RNF169: variants seen among roughly 807,000 people sequenced by gnomAD.
RNF169 encodes the protein E3 ubiquitin-protein ligase RNF169.
Under a neutral mutation model 53.9 loss-of-function variants are expected in RNF169, and 24 were observed. The observed-to-expected ratio is 0.45, with a 90% confidence interval of 0.32 to 0.63. The LOEUF is 0.63. RNF169 is among the 20% of genes least tolerant of loss of function. The pLI, the probability that RNF169 is intolerant of heterozygous loss-of-function variation, is 0.04. For synonymous variants in RNF169, 396 were observed against 363.5 expected (o/e 1.09, Z -1.02); for missense variants, 883 against 906.2 (o/e 0.97, Z 0.33).
At chr11:74,758,714 G>A (rs1274479873) in intron 1 of RNF169, among the ~76,000 whole-genome samples, 5 of 152,018 alleles carry the variant, frequency 3.3e-5, no homozygotes, top group African/African-American at 7.2e-5. Context: ...CTGTTTTAGC[G>A]GGGATGGTCT....
chr11:74,753,607 T>G (rs1027796009), intron 1 of RNF169, among the ~76,000 whole-genome samples: 1 of 152,220 alleles, frequency 6.6e-6, no homozygotes, highest in African/African-American at 2.4e-5. Context: ...TTCAGAGATA[T>G]ATTGCTTAGT....
chr11:74,786,496 CAA>C (rs1288853305), intron 1 of RNF169, among the ~76,000 whole-genome samples: 1 of 152,072 alleles, frequency 6.6e-6, no homozygotes, highest in Non-Finnish European at 1.5e-5. Flanking sequence ...CATTTGACCT[CAA>C]GAGATCCTCT....
chr11:74,835,921 G>A lies in RNF169; in HGVS notation c.1318G>A (p.Glu440Lys). Residue 440 changes from glutamate (E) to lysine (K), a missense_variant, in exon 6 of 6, where the codon GAG becomes AAG. This residue lies in a region of RNF169 where 351 missense variants were observed against 337.3 expected (regional missense o/e 1.04). Transcript: ENST00000299563. ...CAAAAAGTGGGAACAGATCTTTCAG[G>A]AGCGGCAGATCAAAAAGACCCTTTC... is the stretch of plus-strand genomic sequence containing the variant. ...ILKKWEQIFQERQIKKTLSKA... is the reference protein window; with the variant it reads ...ILKKWEQIFQKRQIKKTLSKA... The A allele has an allele frequency of 1.2e-6, 2 of 1,614,138 alleles. No homozygotes were observed. Among genetic ancestry groups the A allele is most frequent in the Non-Finnish European group, 1.7e-6 (2 of 1,180,038 alleles).
At chr11:74,755,920 T>C (rs914483724) in intron 1 of RNF169, among the ~76,000 whole-genome samples, 8 of 152,176 alleles carry the variant, frequency 5.3e-5, no homozygotes, top group Non-Finnish European at 8.8e-5. Context: ...CCTATAAAGC[T>C]CTTAAAGATT....
chr11:74,793,767 C>A (rs1274375285), intron 2 of RNF169, among the ~76,000 whole-genome samples: 4 of 151,974 alleles, frequency 2.6e-5, no homozygotes, highest in Non-Finnish European at 4.4e-5. Flanking sequence ...TTTTTTCTTT[C>A]TGCATGTGTT....
intron 4 of RNF169, among the ~76,000 whole-genome samples, chr11:74,828,013 T>C (rs1193102165): frequency 2.6e-5 from 4 of 152,094 alleles, no homozygotes; most frequent in Non-Finnish European, 5.9e-5. Context: ...AAATAAAGGG[T>C]ATTCAAATAG....
intron 2 of RNF169, among the ~76,000 whole-genome samples, chr11:74,803,331 T>C (rs1181751689): frequency 6.6e-6 from 1 of 152,164 alleles, no homozygotes; most frequent in African/African-American, 2.4e-5. Flanking sequence ...GTGATCTGCC[T>C]GCCTCGGCCT....
chr11:74,778,565 C>T (rs1196652011), intron 1 of RNF169, among the ~76,000 whole-genome samples: 4 of 152,190 alleles, frequency 2.6e-5, no homozygotes, highest in South Asian at 2.1e-4. Flanking sequence ...AGCCAGTAAA[C>T]GAGACATGGA....
intron 3 of RNF169, among the ~76,000 whole-genome samples, chr11:74,816,343 G>A (rs1315637025): frequency 6.6e-6 from 1 of 152,164 alleles, no homozygotes; most frequent in African/African-American, 2.4e-5. Context: ...AGGGCTCATT[G>A]CATAAAGCAG....
At chr11:74,777,692 G>C (rs939930676) in intron 1 of RNF169, among the ~76,000 whole-genome samples, 1 of 151,818 alleles carries the variant, frequency 6.6e-6, no homozygotes, top group Non-Finnish European at 1.5e-5. Flanking sequence ...CTTTTGCCCA[G>C]GTTGGAGTGC....
intron 2 of RNF169, among the ~76,000 whole-genome samples, chr11:74,803,571 T>C (rs1455142391): frequency 6.6e-6 from 1 of 152,206 alleles, no homozygotes; most frequent in East Asian, 1.9e-4. Flanking sequence ...GAGTAGTTAC[T>C]TAGTGTTTAA....
intron 3 of RNF169, among the ~76,000 whole-genome samples, chr11:74,817,371 T>G (rs2035952623): frequency 6.6e-6 from 1 of 152,186 alleles, no homozygotes; most frequent in Non-Finnish European, 1.5e-5. Context: ...TTTAGTTTTC[T>G]AGATGGGTTG....
chr11:74,809,862 G>A (rs982207337), intron 2 of RNF169, among the ~76,000 whole-genome samples: 10 of 152,206 alleles, frequency 6.6e-5, no homozygotes, highest in African/African-American at 2.2e-4. Context: ...TGGCTTATGG[G>A]AATAAGGAAG....
At chr11:74,757,012 T>TTTTATTTTTATC (rs1351582401) in intron 1 of RNF169, among the ~76,000 whole-genome samples, 3 of 151,554 alleles carry the variant, frequency 2.0e-5, no homozygotes, top group African/African-American at 7.3e-5. Context: ...TTATTTTTAT[T>TTTTATTTTTATC]ATACTTTAAG....
In RNF169 at chr11:74,756,024, G is replaced by A. The variant is rs541162041; in HGVS notation, c.502+6642G>A. ...AGATGTGAGTAGAAACTGGAGGTGG[G>A]GAGTCGTTAGGGGACTGTTTTAGTA... On this transcript the variant is annotated intron_variant, in intron 1 of 5. Coordinates refer to ENST00000299563, the MANE Select transcript of RNF169 (RefSeq NM_001098638.2). 2.6e-5 allele frequency among the ~76,000 whole-genome samples: 4 copies of A among 152,254 alleles called. No individual in the cohort carries two copies. The South Asian group carries it at 8.3e-4, about 32-fold the overall frequency.
Position 74,836,613 on chromosome 11 carries a change from A to T in RNF169, c.2010A>T (p.Arg670=), listed in dbSNP as rs778711463. 1.7e-5 allele frequency: 27 copies of T among 1,614,034 alleles called. No homozygotes were observed. The highest frequency in any genetic ancestry group is 2.3e-5 in the Non-Finnish European group (27 of 1,180,058). Residue 670 remains arginine (R), a synonymous_variant, in exon 6 of 6, where the codon CGA becomes CGT. Transcript: ENST00000299563. ...AGCTTCAGCAAGAGGAAGAAGACCG[A>T]CAGTTGGCTCTGCAGTTGCAGCGCA... ...EQKLQQEEED[R]QLALQLQRMF...
chr11:74,765,081 C>A (rs573348372), intron 1 of RNF169, among the ~76,000 whole-genome samples: 1 of 152,176 alleles, frequency 6.6e-6, no homozygotes, highest in Admixed American at 6.5e-5. Context: ...TGGTGGTGTG[C>A]GCCTGTGGTC....
chr11:74,814,266 G>A, intron 3 of RNF169, among the ~76,000 whole-genome samples: 1 of 151,888 alleles, frequency 6.6e-6, no homozygotes, highest in South Asian at 2.1e-4. Flanking sequence ...GGAGGTGGAG[G>A]TTGCAGTGAG....
intron 2 of RNF169, among the ~76,000 whole-genome samples, chr11:74,800,160 T>A (rs2035709291): frequency 6.6e-6 from 1 of 151,976 alleles, no homozygotes; most frequent in South Asian, 2.1e-4. Flanking sequence ...ATAAACTGAT[T>A]TTTAAAATAC....
Sources: allele counts gnomAD v4.1 joint callset (sites outside exome capture counted in the v4.1 genomes callset), GRCh38; gene constraint gnomAD v4.1.1; regional missense constraint gnomAD v4.1.1; transcripts MANE v1.5; gene names NCBI Gene and HGNC (gene_info 2026-07-23, HGNC 2026-07-21).